The following CUL1 variants were observed in gnomAD, a reference collection of about 807,000 sequenced individuals.
CUL1 encodes cullin 1.
In CUL1, 24 loss-of-function variants were observed where a neutral mutation model predicts 118.0. The observed-to-expected ratio is 0.20, with a 90% CI of 0.15 to 0.29. The LOEUF (loss-of-function observed/expected upper bound fraction) is 0.29. CUL1 is among the 10% of genes least tolerant of loss of function. The pLI, the probability that CUL1 is intolerant of heterozygous loss-of-function variation, is 1.00. For synonymous variants in CUL1, 332 were observed against 340.4 expected, an observed-to-expected ratio of 0.98 and a Z score of 0.27; for missense variants, 361 against 933.8, an observed-to-expected ratio of 0.39 and a Z score of 7.99.
chr7:148,767,122 A>C (rs1012852362), intron 8 of CUL1, among the ~76,000 whole-genome samples: 1 of 152,200 alleles, frequency 6.6e-6, no homozygotes, highest in African/African-American at 2.4e-5. Flanking sequence ...GGTCCTCCTA[A>C]AGTAACCACA....
chr7:148,781,117 C>G (rs564861144), intron 9 of CUL1, among the ~76,000 whole-genome samples: 3 of 118,272 alleles, frequency 2.5e-5, no homozygotes, highest in Non-Finnish European at 1.6e-5. Flanking sequence ...AGTCTCGCAC[C>G]GTCACCTGGG....
chr7:148,794,838 A>C (rs892335669), intron 17 of CUL1, among the ~76,000 whole-genome samples: 6 of 152,110 alleles, frequency 3.9e-5, no homozygotes, highest in Non-Finnish European at 8.8e-5. Flanking sequence ...ATTGGTTTTT[A>C]GTTTTTTAAT....
chr7:148,753,759 G>A (rs1799568932), intron 2 of CUL1, among the ~76,000 whole-genome samples: 1 of 152,100 alleles, frequency 6.6e-6, no homozygotes, highest in Non-Finnish European at 1.5e-5. Context: ...CACCTTGGCG[G>A]TGTTGCTCTC....
At chr7:148,702,647 A>G (rs1436771256) in intron 1 of CUL1, among the ~76,000 whole-genome samples, 5 of 152,150 alleles carry the variant, frequency 3.3e-5, no homozygotes, top group Non-Finnish European at 4.4e-5. Flanking sequence ...CTTCAGCGCT[A>G]TTGCAGTTCC....
At chr7:148,797,653 T>G (rs143144359) in intron 17 of CUL1, among the ~76,000 whole-genome samples, 159 bp from the exon 18 acceptor site, 2,215 of 151,962 alleles carry the variant, frequency 0.015, 27 homozygotes, top group Non-Finnish European at 0.021. Context: ...AGTGAACTTC[T>G]AAGAAGTACC....
intron 1 of CUL1, among the ~76,000 whole-genome samples, chr7:148,717,369 G>A (rs1412415536): frequency 6.6e-6 from 1 of 152,152 alleles, no homozygotes; most frequent in Non-Finnish European, 1.5e-5. Context: ...AATTTTGAAA[G>A]TAGTGTCTGA....
intron 7 of CUL1, 97 bp downstream of exon 7, chr7:148,760,593 T>G (rs1799796825): frequency 1.2e-6 from 1 of 828,934 alleles, no homozygotes. Context: ...TACAAGTCAT[T>G]TGTTGGGCAT....
intron 2 of CUL1, among the ~76,000 whole-genome samples, chr7:148,752,115 AAAAAC>A (rs1406613386): frequency 1.3e-5 from 2 of 152,262 alleles, no homozygotes; most frequent in Non-Finnish European, 2.9e-5. Context: ...CCATCTCAAA[AAAAAC>A]AAAACAAAAT....
intron 1 of CUL1, among the ~76,000 whole-genome samples, chr7:148,725,248 C>CACA (rs3222168): frequency 6.6e-6 from 1 of 151,276 alleles, no homozygotes; most frequent in African/African-American, 2.4e-5. Context: ...CACACACACA[C>CACA]CCGTACCCCT....
At chr7:148,720,341 C>T (rs1345215174) in intron 1 of CUL1, among the ~76,000 whole-genome samples, 2 of 151,956 alleles carry the variant, frequency 1.3e-5, no homozygotes, top group South Asian at 2.1e-4. Context: ...GCCTAGACTC[C>T]GGCAGTTGGG....
At chr7:148,750,513 T>C (rs1799454588) in intron 2 of CUL1, among the ~76,000 whole-genome samples, 1 of 152,132 alleles carries the variant, frequency 6.6e-6, no homozygotes, top group Non-Finnish European at 1.5e-5. Flanking sequence ...AGTGTCTTCA[T>C]TGTTCAATTC....
At chr7:148,727,597 A>G (rs998518463) in intron 1 of CUL1, among the ~76,000 whole-genome samples, 9 of 152,184 alleles carry the variant, frequency 5.9e-5, no homozygotes, top group African/African-American at 1.2e-4. Flanking sequence ...TTAAGAAGGG[A>G]AAATCCCATT....
chr7:148,712,646 G>A (rs910096442), intron 1 of CUL1, among the ~76,000 whole-genome samples: 1 of 152,224 alleles, frequency 6.6e-6, no homozygotes, highest in Non-Finnish European at 1.5e-5. Flanking sequence ...CTTACCGTGT[G>A]TCAAGGACTC....
chr7:148,788,247 TAGAGAC>T (rs1254401154), intron 13 of CUL1, among the ~76,000 whole-genome samples: 3 of 152,246 alleles, frequency 2.0e-5, no homozygotes, highest in Non-Finnish European at 4.4e-5. Flanking sequence ...TGGTAAGAGA[TAGAGAC>T]AGATTATTTC....
intron 17 of CUL1, among the ~76,000 whole-genome samples, chr7:148,794,905 C>T (rs1434192233): frequency 6.6e-6 from 1 of 152,168 alleles, no homozygotes; most frequent in Non-Finnish European, 1.5e-5. Flanking sequence ...AATCTTGGCT[C>T]ACTGCAACCT....
intron 3 of CUL1, among the ~76,000 whole-genome samples, chr7:148,754,353 C>T (rs894786836): frequency 1.3e-5 from 2 of 152,016 alleles, no homozygotes; most frequent in Admixed American, 6.5e-5. Context: ...TTTGTTTTTT[C>T]GAGATGGAGA....
At chr7:148,712,688 T>C (rs1291233804) in intron 1 of CUL1, among the ~76,000 whole-genome samples, 1 of 152,228 alleles carries the variant, frequency 6.6e-6, no homozygotes, top group East Asian at 1.9e-4. Context: ...AACTCACTTA[T>C]TCCTCATAGC....
At chr7:148,781,000 T>G (rs892667792) in intron 9 of CUL1, among the ~76,000 whole-genome samples, 2 of 151,822 alleles carry the variant, frequency 1.3e-5, no homozygotes, top group Admixed American at 6.6e-5. Context: ...ATTATTCTAG[T>G]GTGTTGTCTG....
At chr7:148,783,092 G>C (rs1800696973) in intron 9 of CUL1, among the ~76,000 whole-genome samples, 1 of 152,230 alleles carries the variant, frequency 6.6e-6, no homozygotes, top group Non-Finnish European at 1.5e-5. Context: ...CAGCAGCGCT[G>C]TTTTTCTCAT....
Sources: gnomAD v4.1 joint callset for allele counts (sites outside exome capture counted in the v4.1 genomes callset) on GRCh38, gnomAD v4.1.1 for gene constraint, MANE v1.5 for transcripts, NCBI Gene and HGNC (gene_info 2026-07-23, HGNC 2026-07-21) for gene names.